Variants in FSD2 observed in about 807,000 individuals in gnomAD.
FSD2 encodes the protein fibronectin type III and SPRY domain-containing protein 2.
Under a neutral mutation model 80.4 loss-of-function variants are expected in FSD2, and 71 were observed. That is an observed-to-expected ratio of 0.88 (90% confidence interval 0.73 to 1.08). The LOEUF (loss-of-function observed/expected upper bound fraction) is 1.08, where lower values mean the gene tolerates loss of function less well. Ranked by LOEUF, FSD2 falls within the 50% of genes least tolerant of loss-of-function variation. The pLI is 0.00. For synonymous variants in FSD2, 361 were observed against 329.5 expected (o/e 1.10, Z -1.03); for missense variants, 923 against 913.8 (o/e 1.01, Z -0.13).
At position 82,794,794 on chromosome 15, in the gene FSD2, G is replaced by A. The variant is rs565471325; in HGVS notation, c.-78-7326C>T. Among the ~76,000 whole-genome samples, 175 of 149,566 alleles carry A rather than the reference G, an allele frequency of 1.2e-3. 1 individual carries two copies. The highest frequency in any genetic ancestry group is 4.1e-3 in the African/African-American group (166 of 40,598). On this transcript the variant is annotated intron_variant, in intron 1 of 12. Transcript: ENST00000334574. ...GGTTGGAGTTCAGCGGCGCGATCTC[G>A]GCTTACTGCAAGCTCCGCCTCCCAG...
In FSD2 at chr15:82,795,875, G is replaced by C. The variant is rs541547051; in HGVS notation, c.-78-8407C>G. Among the ~76,000 whole-genome samples the C allele has an allele frequency of 6.6e-5, 10 of 151,878 alleles. No individual in the cohort carries two copies. The South Asian group carries it at 8.3e-4, about 13-fold the overall frequency. ...AGATGATAGGTGAGTTATGATAGGA[G>C]AGTAATTATGAAGAGGACACTAAAG... On this transcript the variant is annotated intron_variant, in intron 1 of 12. Coordinates refer to ENST00000334574, the MANE Select transcript of FSD2 (RefSeq NM_001007122.4).
chr15:82,759,284 C>CT lies in FSD2; in HGVS notation c.*63dup. The CT allele has an allele frequency of 6.4e-7, 1 of 1,560,300 alleles. No individual in the cohort carries two copies. The highest frequency in any genetic ancestry group is 1.2e-5 in the South Asian group (1 of 83,632). On this transcript the variant is annotated 3_prime_UTR_variant, in exon 13 of 13. Coordinates refer to ENST00000334574, the MANE Select transcript of FSD2 (RefSeq NM_001007122.4). ...GTGCTTAAGTGCCAGGTTCAGCCAG[C>CT]TAAGGCGTGAGCAGCTGCGAGAGGG...
At chr15:82,776,949 G>A (rs1265838908) in intron 6 of FSD2, among the ~76,000 whole-genome samples, 1 of 152,192 alleles carries the variant, frequency 6.6e-6, no homozygotes, top group Non-Finnish European at 1.5e-5. Context: ...TTTGCTAAGG[G>A]TGACAAGAAC....
In FSD2 at chr15:82,783,029, C is replaced by G; in HGVS notation, c.736-4G>C. On this transcript the variant is annotated splice_region_variant and splice_polypyrimidine_tract_variant and intron_variant, in intron 3 of 12. Coordinates refer to ENST00000334574, the MANE Select transcript of FSD2 (RefSeq NM_001007122.4). ...GTTCTTGTTTTCCAAAATTCTCCTG[C>G]AAGACAGTTGATCTCAGTCATCATT... 1.3e-6 allele frequency: 2 copies of G among 1,597,466 alleles called. No individual in the cohort carries two copies. Among genetic ancestry groups the G allele is most frequent in the Non-Finnish European group, 1.7e-6 (2 of 1,167,014 alleles).
Position 82,783,040 on chromosome 15 carries a change from A to T in FSD2, c.736-15T>A. The stretch of plus-strand genomic sequence containing the variant: ...CCAAAATTCTCCTGCAAGACAGTTG[A>T]TCTCAGTCATCATTTCAGCGCATGT... On this transcript the variant is annotated splice_polypyrimidine_tract_variant and intron_variant, in intron 3 of 12. Transcript: ENST00000334574. The T allele has an allele frequency of 6.4e-7, 1 of 1,550,868 alleles. No individual in the cohort carries two copies. The highest frequency in any genetic ancestry group is 8.9e-7 in the Non-Finnish European group (1 of 1,126,866).
intron 10 of FSD2, 132 bp downstream of exon 10, chr15:82,765,766 C>T: frequency 8.4e-7 from 1 of 1,183,922 alleles, no homozygotes; most frequent in Non-Finnish European, 1.2e-6. Flanking sequence ...CCCTGAACTC[C>T]TTCTGGCCTG....
intron 6 of FSD2, among the ~76,000 whole-genome samples, chr15:82,777,716 G>A (rs890553081): frequency 6.6e-6 from 1 of 151,748 alleles, no homozygotes; most frequent in Non-Finnish European, 1.5e-5. Flanking sequence ...GCGTGGTGGC[G>A]GGTGCCTGTA....
At position 82,798,873 on chromosome 15, in the gene FSD2, G is replaced by GTTTTTTTTT. The variant is rs149986626; in HGVS notation, c.-79+7092_-79+7093insAAAAAAAAA. ...AAGTTTTCTTTCCACTATCTCCACT[G>GTTTTTTTTT]TTTTGTTTTTTTTTTTTTTTTTGAG... On this transcript the variant is annotated intron_variant, in intron 1 of 12. Coordinates refer to ENST00000334574, the MANE Select transcript of FSD2 (RefSeq NM_001007122.4). Among the ~76,000 whole-genome samples the GTTTTTTTTT allele has an allele frequency of 6.3e-5, 7 of 111,470 alleles. 2 individuals carry two copies. The highest frequency in any genetic ancestry group is 5.2e-5 in the Non-Finnish European group (3 of 57,492). The allele number at this position is 111,470 out of a possible 152,430, so 73.1% of individuals were successfully genotyped here. A position where few individuals can be genotyped will look rare whatever the true frequency, so the allele number is the denominator to read the frequency against.
intron 1 of FSD2, among the ~76,000 whole-genome samples, chr15:82,792,430 C>T (rs533499793): frequency 1.3e-5 from 2 of 152,290 alleles, no homozygotes; most frequent in South Asian, 2.1e-4. Flanking sequence ...AGAAATGCCT[C>T]TCCAAATCTT....
chr15:82,777,736 A>G (rs1008948392), intron 6 of FSD2, among the ~76,000 whole-genome samples: 1 of 151,726 alleles, frequency 6.6e-6, no homozygotes, highest in African/African-American at 2.4e-5. Flanking sequence ...AATCTCAACT[A>G]CTTAGGAGGC....
At chr15:82,781,473 T>C (rs528364863) in intron 4 of FSD2, among the ~76,000 whole-genome samples, 8 of 152,294 alleles carry the variant, frequency 5.3e-5, no homozygotes, top group African/African-American at 1.7e-4. Context: ...CTCTGGAGGC[T>C]GAAGGCCCCT....
chr15:82,792,919 C>G (rs1262926313), intron 1 of FSD2, among the ~76,000 whole-genome samples: 3 of 151,972 alleles, frequency 2.0e-5, no homozygotes, highest in Non-Finnish European at 2.9e-5. Context: ...ATATCTTTCT[C>G]TGGTTTTGGT....
intron 6 of FSD2, 45 bp from the exon 7 acceptor site, chr15:82,772,273 G>A: frequency 6.4e-7 from 1 of 1,551,980 alleles, no homozygotes; most frequent in Non-Finnish European, 8.7e-7. Context: ...TAATAGAGGT[G>A]TGGGGTGACA....
chr15:82,791,820 C>T (rs570764605), intron 1 of FSD2, among the ~76,000 whole-genome samples: 26 of 152,324 alleles, frequency 1.7e-4, no homozygotes, highest in East Asian at 7.7e-4. Flanking sequence ...TTCCTATAAA[C>T]GGAATCTTAT....
At chr15:82,782,575 G>A (rs2049892721) in intron 4 of FSD2, among the ~76,000 whole-genome samples, 1 of 152,178 alleles carries the variant, frequency 6.6e-6, no homozygotes, top group East Asian at 1.9e-4. Context: ...CTGTGAGTCC[G>A]CCTGGCCACT....
chr15:82,780,377 C>T (rs2049825453), intron 4 of FSD2, 110 bp from the exon 5 acceptor site: 2 of 739,654 alleles, frequency 2.7e-6, no homozygotes, highest in Non-Finnish European at 4.2e-6. Context: ...CTCTGTCCCC[C>T]AGGCTGGAGT....
chr15:82,778,551 G>A (rs1056953253), intron 6 of FSD2, among the ~76,000 whole-genome samples: 1 of 152,068 alleles, frequency 6.6e-6, no homozygotes, highest in Non-Finnish European at 1.5e-5. Flanking sequence ...GGGGAAACGG[G>A]GAATTGTTGC....
intron 1 of FSD2, among the ~76,000 whole-genome samples, chr15:82,790,757 T>TG: frequency 6.8e-6 from 1 of 146,952 alleles, no homozygotes; most frequent in African/African-American, 2.5e-5. Context: ...TTTTTTTTTT[T>TG]TGTATTTTTA....
intron 9 of FSD2, 138 bp downstream of exon 9, chr15:82,768,742 A>G: frequency 1.4e-6 from 1 of 724,956 alleles, no homozygotes; most frequent in African/African-American, 1.8e-5. Flanking sequence ...ACTTCTCATG[A>G]ACACTAAGCA....
Sources: allele counts gnomAD v4.1 joint callset (sites outside exome capture counted in the v4.1 genomes callset), GRCh38; gene constraint gnomAD v4.1.1; transcripts MANE v1.5; gene names NCBI Gene and HGNC (gene_info 2026-07-23, HGNC 2026-07-21).